NR2F1-AS1: variants seen among roughly 807,000 people sequenced by gnomAD.
The protein encoded by NR2F1-AS1 is NR2F1 antisense RNA 1.
At chr5:93,529,101 A>C (rs1308074719) in intron 4 of NR2F1-AS1, among the ~76,000 whole-genome samples, 1 of 152,170 alleles carries the variant, frequency 6.6e-6, no homozygotes, top group Non-Finnish European at 1.5e-5. Flanking sequence ...CATATATAGA[A>C]TGTGTAGACT....
intron 2 of NR2F1-AS1, among the ~76,000 whole-genome samples, chr5:93,561,414 A>T (rs905019801): frequency 6.6e-6 from 1 of 152,362 alleles, no homozygotes; most frequent in South Asian, 2.1e-4. Context: ...TAAGTTCAAC[A>T]ATATTAGCAT....
chr5:93,548,466 A>G (rs1439446233), intron 4 of NR2F1-AS1, among the ~76,000 whole-genome samples: 1 of 152,212 alleles, frequency 6.6e-6, no homozygotes, highest in African/African-American at 2.4e-5. Context: ...TAGAAAGTAC[A>G]GAGTCAGACT....
chr5:93,508,968 T>C (rs1201088324), intron 4 of NR2F1-AS1, among the ~76,000 whole-genome samples: 1 of 152,072 alleles, frequency 6.6e-6, no homozygotes, highest in Non-Finnish European at 1.5e-5. Context: ...TCAGGCAAAG[T>C]TGATAATGAT....
At chr5:93,567,861 C>T (rs1752652823) in intron 1 of NR2F1-AS1, among the ~76,000 whole-genome samples, 1 of 152,192 alleles carries the variant, frequency 6.6e-6, no homozygotes, top group Non-Finnish European at 1.5e-5. Flanking sequence ...CTGGCTGACA[C>T]CAATAGGAGA....
At position 93,469,297 on chromosome 5, in the gene NR2F1-AS1, C is replaced by G. The variant is rs565713987; in HGVS notation, n.639-73755G>C. ...CAAACCCATAGAACATGTAACTGTA[C>G]TTAATACTGTAAGAAATCTTAATGC... is the stretch of plus-strand genomic sequence containing the variant. On this transcript the variant is annotated intron_variant and non_coding_transcript_variant, in intron 4 of 5. Coordinates refer to ENST00000660523, the Ensembl canonical transcript of NR2F1-AS1. Among the ~76,000 whole-genome samples, 3 of 152,144 alleles carry G rather than the reference C, an allele frequency of 2.0e-5. No individual in the cohort carries two copies. In the South Asian group the frequency reaches 6.2e-4, roughly 32 times the overall value.
intron 1 of NR2F1-AS1, among the ~76,000 whole-genome samples, chr5:93,572,296 T>C (rs1752788810): frequency 6.6e-6 from 1 of 152,190 alleles, no homozygotes; most frequent in Admixed American, 6.5e-5. Context: ...CGCCGGCCAC[T>C]TGATGATGTC....
chr5:93,454,855 C>A (rs1749912556), intron 4 of NR2F1-AS1, among the ~76,000 whole-genome samples: 1 of 152,148 alleles, frequency 6.6e-6, no homozygotes. Flanking sequence ...GGGTGGTGCA[C>A]CCTGAGAGGC....
intron 4 of NR2F1-AS1, among the ~76,000 whole-genome samples, chr5:93,552,730 A>G (rs1299706306): frequency 6.6e-6 from 1 of 152,100 alleles, no homozygotes; most frequent in Non-Finnish European, 1.5e-5. Context: ...TACTTTGACA[A>G]CCTGACAATG....
chr5:93,556,797 C>G (rs903714493), intron 2 of NR2F1-AS1, among the ~76,000 whole-genome samples: 5 of 152,170 alleles, frequency 3.3e-5, no homozygotes, highest in African/African-American at 1.2e-4. Context: ...GAACCAACAC[C>G]TTGATCTCAG....
At position 93,459,396 on chromosome 5, in the gene NR2F1-AS1, C is replaced by T. The variant is rs561425695; in HGVS notation, n.639-63854G>A. On this transcript the variant is annotated intron_variant and non_coding_transcript_variant, in intron 4 of 5. Transcript: ENST00000660523. ...TGAGATATAACTAGTCATAATATAT[C>T]CACTAAAGAGACTACAATTAAAATA... Among the ~76,000 whole-genome samples, 5 of 152,140 alleles carry T rather than the reference C, an allele frequency of 3.3e-5. No homozygotes were observed. The South Asian group carries it at 1.0e-3, about 32-fold the overall frequency.
chr5:93,555,341 G>C (rs1012254610), intron 2 of NR2F1-AS1, among the ~76,000 whole-genome samples: 1 of 152,172 alleles, frequency 6.6e-6, no homozygotes, highest in Non-Finnish European at 1.5e-5. Flanking sequence ...TTTAAAGAAT[G>C]AGTTGCTGCT....
At chr5:93,505,218 T>G (rs1292569173) in intron 4 of NR2F1-AS1, among the ~76,000 whole-genome samples, 2 of 152,194 alleles carry the variant, frequency 1.3e-5, no homozygotes, top group Non-Finnish European at 2.9e-5. Context: ...ATTCAGGTCA[T>G]GCTGATGCAA....
intron 4 of NR2F1-AS1, among the ~76,000 whole-genome samples, chr5:93,453,557 T>G (rs566731658): frequency 9.9e-5 from 15 of 151,836 alleles, no homozygotes; most frequent in Non-Finnish European, 1.3e-4. Context: ...ATCAAACTTC[T>G]GGAAATGAGA....
intron 4 of NR2F1-AS1, among the ~76,000 whole-genome samples, chr5:93,437,580 C>A (rs1054883671): frequency 6.6e-6 from 1 of 152,174 alleles, no homozygotes; most frequent in Non-Finnish European, 1.5e-5. Context: ...ACTGCCACCA[C>A]ACAACTCTCT....
intron 4 of NR2F1-AS1, chr5:93,543,425 C>CAAATGAAATTTCTAG (rs1324171009): frequency 1.3e-5 from 2 of 151,854 alleles, no homozygotes; most frequent in Non-Finnish European, 2.9e-5. Flanking sequence ...GAGAAAGAGT[C>CAAATGAAATTTCTAG]AAATGAAATT....
At position 93,579,421 on chromosome 5, in the gene NR2F1-AS1, C is replaced by A. The variant is rs1752968443; in HGVS notation, n.313+1046G>T. Among the ~76,000 whole-genome samples the A allele has an allele frequency of 6.6e-6, 1 of 152,204 alleles. No homozygotes were observed. Among genetic ancestry groups the A allele is most frequent in the Admixed American group, 6.5e-5 (1 of 15,290 alleles). ...CTAGGGTCACGCCGGGTCCCAGGGG[C>A]CTCTTTCAAGTTTGAAAGCTCTGTG... is the stretch of plus-strand genomic sequence containing the variant. On this transcript the variant is annotated intron_variant and non_coding_transcript_variant, in intron 1 of 5. Coordinates refer to ENST00000660523, the Ensembl canonical transcript of NR2F1-AS1. This position sits in a 1 kb window ranked among gnomAD's most constrained non-coding sequence, Gnocchi z 5.1.
intron 2 of NR2F1-AS1, among the ~76,000 whole-genome samples, chr5:93,558,190 C>G (rs1752404340): frequency 6.6e-6 from 1 of 152,220 alleles, no homozygotes; most frequent in South Asian, 2.1e-4. Flanking sequence ...GAGCTCCTCC[C>G]ATGAATCACA....
intron 4 of NR2F1-AS1, among the ~76,000 whole-genome samples, chr5:93,441,420 C>T (rs186733076): frequency 6.6e-6 from 1 of 152,302 alleles, no homozygotes; most frequent in East Asian, 1.9e-4. Flanking sequence ...TTCAAGTCAA[C>T]TGATGTACCA....
chr5:93,475,303 CTT>C (rs1233067308), intron 4 of NR2F1-AS1, among the ~76,000 whole-genome samples: 10 of 152,002 alleles, frequency 6.6e-5, no homozygotes, highest in Non-Finnish European at 1.3e-4. Context: ...CAGGCCGTGT[CTT>C]TTAAACACAC....
Sources: allele counts gnomAD v4.1 joint callset (sites outside exome capture counted in the v4.1 genomes callset), GRCh38; gene constraint gnomAD v4.1.1; non-coding constraint Gnocchi (gnomAD v3.1); transcripts MANE v1.5; gene names NCBI Gene and HGNC (gene_info 2026-07-23, HGNC 2026-07-21).